PTPRT: variants seen among roughly 807,000 people sequenced by gnomAD.
The protein encoded by PTPRT is receptor-type tyrosine-protein phosphatase T.
In PTPRT, 56 loss-of-function variants were observed where a neutral mutation model predicts 176.8. The observed-to-expected ratio is 0.32, with a 90% confidence interval of 0.26 to 0.40. The LOEUF (loss-of-function observed/expected upper bound fraction) is 0.40, where lower values mean the gene tolerates loss of function less well. Among genes scored for constraint, PTPRT ranks in the 10% least tolerant of loss-of-function variants. PTPRT has a pLI of 1.00. For missense variants in PTPRT, 1,540 were observed against 1,908.2 expected, an observed-to-expected ratio of 0.81 and a Z score of 3.60; for synonymous variants, 783 against 739.0, an observed-to-expected ratio of 1.06 and a Z score of -0.96.
chr20:42,883,969 A>G (rs1250330464), intron 2 of PTPRT, among the ~76,000 whole-genome samples: 2 of 151,756 alleles, frequency 1.3e-5, no homozygotes, highest in Non-Finnish European at 2.9e-5. Flanking sequence ...CCATACACAC[A>G]CACACACGCA....
At chr20:42,305,708 T>A (rs2057537438) in intron 12 of PTPRT, among the ~76,000 whole-genome samples, 1 of 152,192 alleles carries the variant, frequency 6.6e-6, no homozygotes, top group Non-Finnish European at 1.5e-5. Context: ...CATTTACTTG[T>A]TACAAAGGTC....
At chr20:42,083,521 C>T (rs549782087) in intron 29 of PTPRT, among the ~76,000 whole-genome samples, 21 of 152,266 alleles carry the variant, frequency 1.4e-4, no homozygotes, top group Non-Finnish European at 2.1e-4. Context: ...CAGGTGGTGG[C>T]CCTGAAGCTC....
At chr20:42,453,566 T>TAAACA (rs2145868630) in intron 8 of PTPRT, among the ~76,000 whole-genome samples, 1 of 152,190 alleles carries the variant, frequency 6.6e-6, no homozygotes, top group East Asian at 1.9e-4. Flanking sequence ...GCACTGTTTA[T>TAAACA]GCCCATCACT....
At chr20:42,035,089 A>T in the PTPRT span, among the ~76,000 whole-genome samples, 4 of 152,118 alleles carry the variant, frequency 2.6e-5, no homozygotes, top group Admixed American at 6.5e-5. Flanking sequence ...GTTCAAAAAC[A>T]TCTCTCAGGA....
At chr20:43,185,048 C>A (rs1488403874) in intron 1 of PTPRT, among the ~76,000 whole-genome samples, 1 of 152,106 alleles carries the variant, frequency 6.6e-6, no homozygotes, top group East Asian at 1.9e-4. Context: ...TTTTTGTTAA[C>A]CCATTGAAAA....
chr20:42,930,721 C>A (rs546604306), intron 1 of PTPRT, among the ~76,000 whole-genome samples: 1 of 152,184 alleles, frequency 6.6e-6, no homozygotes, highest in East Asian at 1.9e-4. Flanking sequence ...CTCATATGAT[C>A]CTCCTGCCTC....
intron 5 of PTPRT, among the ~76,000 whole-genome samples, chr20:42,765,845 C>T (rs1248238415): frequency 2.0e-5 from 3 of 151,712 alleles, no homozygotes; most frequent in African/African-American, 7.3e-5. Context: ...TTAATGATAC[C>T]ATTCCCTCAT....
intron 7 of PTPRT, among the ~76,000 whole-genome samples, chr20:42,654,337 CA>C (rs756394154): frequency 6.6e-6 from 1 of 151,880 alleles, no homozygotes; most frequent in Middle Eastern, 3.2e-3. Context: ...AAACAAAAAA[CA>C]AAAAACAAAA....
intron 9 of PTPRT, among the ~76,000 whole-genome samples, chr20:42,426,456 C>T (rs1340123903): frequency 6.6e-6 from 1 of 152,174 alleles, no homozygotes; most frequent in Non-Finnish European, 1.5e-5. Context: ...TGCTGAGAGC[C>T]ACCTCCACCA....
intron 7 of PTPRT, among the ~76,000 whole-genome samples, chr20:42,537,234 G>A (rs761028476): frequency 6.6e-6 from 1 of 152,138 alleles, no homozygotes; most frequent in Non-Finnish European, 1.5e-5. Context: ...ACACTGTTAA[G>A]AGCAGTATTC....
At chr20:42,791,730 C>G (rs1036752362) in intron 2 of PTPRT, among the ~76,000 whole-genome samples, 1 of 152,186 alleles carries the variant, frequency 6.6e-6, no homozygotes, top group Non-Finnish European at 1.5e-5. Flanking sequence ...CTACAACGTG[C>G]TACTATTGCT....
intron 6 of PTPRT, among the ~76,000 whole-genome samples, chr20:42,680,364 T>G (rs1445461493): frequency 1.3e-5 from 2 of 152,198 alleles, no homozygotes; most frequent in Non-Finnish European, 2.9e-5. Context: ...GCCATGGAGG[T>G]TATTACTCAA....
intron 2 of PTPRT, among the ~76,000 whole-genome samples, chr20:42,835,253 T>C (rs534299701): frequency 6.6e-6 from 1 of 152,138 alleles, no homozygotes; most frequent in Non-Finnish European, 1.5e-5. Context: ...TTAACACTTT[T>C]GAGGGGGAGT....
intron 7 of PTPRT, among the ~76,000 whole-genome samples, chr20:42,528,220 C>T (rs2072313309): frequency 6.6e-6 from 1 of 152,098 alleles, no homozygotes; most frequent in Non-Finnish European, 1.5e-5. Context: ...CATGCTTACC[C>T]ACCCTTCAGA....
intron 2 of PTPRT, among the ~76,000 whole-genome samples, chr20:42,855,171 T>C (rs2078539164): frequency 6.6e-6 from 1 of 152,202 alleles, no homozygotes; most frequent in Non-Finnish European, 1.5e-5. Context: ...GAGCATGTCA[T>C]ACTGGCTATG....
chr20:42,404,313 T>G (rs1343384320), intron 9 of PTPRT, among the ~76,000 whole-genome samples: 1 of 152,128 alleles, frequency 6.6e-6, no homozygotes, highest in Non-Finnish European at 1.5e-5. Flanking sequence ...CTTGAATGCC[T>G]TAGGGGATGA....
intron 1 of PTPRT, among the ~76,000 whole-genome samples, chr20:42,887,224 G>A (rs2079117696): frequency 6.6e-6 from 1 of 152,168 alleles, no homozygotes; most frequent in African/African-American, 2.4e-5. Context: ...TGGCCTTTGG[G>A]AGGTGATTAG....
chr20:42,216,973 G>A (rs1436873694), intron 15 of PTPRT, among the ~76,000 whole-genome samples: 2 of 152,118 alleles, frequency 1.3e-5, no homozygotes, highest in Admixed American at 6.5e-5. Flanking sequence ...CCTAGGAGAC[G>A]CTAGGTTCTA....
intron 1 of PTPRT, among the ~76,000 whole-genome samples, chr20:42,992,710 AATC>A (rs1272849800): frequency 6.6e-6 from 1 of 152,194 alleles, no homozygotes; most frequent in Non-Finnish European, 1.5e-5. Context: ...AAATGATCTC[AATC>A]ATTTATGGTC....
Sources: gnomAD v4.1 joint callset for allele counts (sites outside exome capture counted in the v4.1 genomes callset) on GRCh38, gnomAD v4.1.1 for gene constraint, MANE v1.5 for transcripts, NCBI Gene and HGNC (gene_info 2026-07-23, HGNC 2026-07-21) for gene names.